Variants in FAM227B observed in about 807,000 individuals in gnomAD.
The protein encoded by FAM227B is family with sequence similarity 227 member B.
Under a neutral mutation model 73.8 loss-of-function variants are expected in FAM227B, and 88 were observed. That is an observed-to-expected ratio of 1.19 (90% CI 1.00 to 1.42). The LOEUF is 1.42. Ranked by LOEUF, FAM227B falls within the 40% of genes most tolerant of loss-of-function variation. The pLI is 0.00. For missense variants in FAM227B, 632 were observed against 590.9 expected (o/e 1.07, Z -0.72); for synonymous variants, 210 against 190.5 (o/e 1.10, Z -0.84).
chr15:49,387,942 A>C (rs942708049), intron 11 of FAM227B, among the ~76,000 whole-genome samples: 1 of 151,872 alleles, frequency 6.6e-6, no homozygotes, highest in Admixed American at 6.6e-5. Flanking sequence ...AAAGATCTCT[A>C]CAAGGAGGAC....
At chr15:49,429,007 TAAC>T (rs1336280331) in intron 11 of FAM227B, among the ~76,000 whole-genome samples, 2 of 151,796 alleles carry the variant, frequency 1.3e-5, no homozygotes, top group African/African-American at 2.4e-5. Context: ...GGCTCCTACT[TAAC>T]AATAATGTGT....
At chr15:49,521,054 G>T (rs1166679371) in intron 10 of FAM227B, among the ~76,000 whole-genome samples, 1 of 152,166 alleles carries the variant, frequency 6.6e-6, no homozygotes, top group Non-Finnish European at 1.5e-5. Flanking sequence ...TACAGCACAG[G>T]GCAGCCAGAT....
At chr15:49,408,849 G>A (rs1379530461) in intron 11 of FAM227B, among the ~76,000 whole-genome samples, 1 of 151,858 alleles carries the variant, frequency 6.6e-6, no homozygotes, top group African/African-American at 2.4e-5. Flanking sequence ...TCTGGGGGTG[G>A]AGGGGTGGGG....
At chr15:49,464,891 C>T (rs371018998) in intron 11 of FAM227B, among the ~76,000 whole-genome samples, 16 of 152,098 alleles carry the variant, frequency 1.1e-4, no homozygotes, top group East Asian at 3.9e-4. Flanking sequence ...AAATGAATAA[C>T]GTAAGACATA....
intron 11 of FAM227B, among the ~76,000 whole-genome samples, chr15:49,431,051 T>C (rs1304373185): frequency 2.6e-5 from 4 of 151,900 alleles, no homozygotes; most frequent in Non-Finnish European, 4.4e-5. Context: ...ATAACTTCTC[T>C]AACATCACTA....
intron 11 of FAM227B, among the ~76,000 whole-genome samples, chr15:49,477,390 G>C (rs2055442765): frequency 2.0e-5 from 3 of 152,096 alleles, no homozygotes; most frequent in Admixed American, 2.0e-4. Context: ...TGTCTCTAAA[G>C]TTTTGCCTTT....
intron 11 of FAM227B, chr15:49,396,380 A>G (rs1221040071): frequency 4.2e-6 from 1 of 239,610 alleles, no homozygotes; most frequent in Admixed American, 5.1e-5. Context: ...CTAGCACAGC[A>G]GTCTGAGATC....
At chr15:49,398,061 T>A (rs955741921) in intron 11 of FAM227B, among the ~76,000 whole-genome samples, 7 of 152,172 alleles carry the variant, frequency 4.6e-5, no homozygotes, top group Admixed American at 2.6e-4. Context: ...GCAAATTGGA[T>A]AAAGAGTCAA....
chr15:49,547,267 C>T (rs934660058), intron 9 of FAM227B, among the ~76,000 whole-genome samples: 1 of 151,970 alleles, frequency 6.6e-6, no homozygotes, highest in African/African-American at 2.4e-5. Flanking sequence ...CCTAGAAGAG[C>T]TCCTGAAGGA....
chr15:49,399,426 A>T (rs1189141651), intron 11 of FAM227B, among the ~76,000 whole-genome samples: 1 of 150,768 alleles, frequency 6.6e-6, no homozygotes, highest in East Asian at 1.9e-4. Flanking sequence ...AGGTACAAGG[A>T]GGAACTGGTA....
chr15:49,488,144 G>C (rs2056562314), intron 11 of FAM227B: 2 of 151,918 alleles, frequency 1.3e-5, no homozygotes, highest in Non-Finnish European at 2.9e-5. Flanking sequence ...TCATTTCTAT[G>C]ATCACCCTAA....
intron 3 of FAM227B, among the ~76,000 whole-genome samples, chr15:49,606,496 C>T (rs890327515): frequency 6.6e-6 from 1 of 152,182 alleles, no homozygotes; most frequent in Non-Finnish European, 1.5e-5. Context: ...CGTGGATATC[C>T]TTTTCATACT....
chr15:49,373,378 T>C (rs1241233217), intron 11 of FAM227B, among the ~76,000 whole-genome samples: 2 of 152,178 alleles, frequency 1.3e-5, no homozygotes, highest in Admixed American at 1.3e-4. Context: ...ATCAATAACA[T>C]TAAAATGCCT....
intron 5 of FAM227B, among the ~76,000 whole-genome samples, chr15:49,585,874 G>C (rs997207581): frequency 3.3e-5 from 5 of 151,758 alleles, no homozygotes; most frequent in African/African-American, 1.2e-4. Context: ...AAAGAAATCA[G>C]AGATGATACA....
At chr15:49,441,122 G>A (rs1415406235) in intron 11 of FAM227B, among the ~76,000 whole-genome samples, 1 of 151,682 alleles carries the variant, frequency 6.6e-6, no homozygotes, top group Non-Finnish European at 1.5e-5. Flanking sequence ...ATTTGATTGG[G>A]TAGAACACAG....
intron 11 of FAM227B, among the ~76,000 whole-genome samples, chr15:49,398,441 A>C (rs2151616743): frequency 7.8e-6 from 1 of 128,502 alleles, no homozygotes; most frequent in Non-Finnish European, 1.6e-5. Flanking sequence ...CAGATCAACG[A>C]GACAGAAAGT....
At chr15:49,581,248 A>G (rs1003921742) in intron 5 of FAM227B, among the ~76,000 whole-genome samples, 11 of 152,190 alleles carry the variant, frequency 7.2e-5, no homozygotes, top group African/African-American at 2.4e-4. Flanking sequence ...AAACCTACAA[A>G]GGGAACCTCT....
At chr15:49,393,937 T>A (rs1476277439) in intron 11 of FAM227B, among the ~76,000 whole-genome samples, 1 of 152,150 alleles carries the variant, frequency 6.6e-6, no homozygotes, top group East Asian at 1.9e-4. Flanking sequence ...GGAATGTGCA[T>A]GGGGAAGGAC....
intron 11 of FAM227B, chr15:49,484,398 G>C (rs2056227954): frequency 4.4e-6 from 7 of 1,594,216 alleles, no homozygotes; most frequent in Non-Finnish European, 5.1e-6. Context: ...ACACACAACG[G>C]AGGGGAAATG....
Sources: allele counts gnomAD v4.1 joint callset (sites outside exome capture counted in the v4.1 genomes callset), GRCh38; gene constraint gnomAD v4.1.1; transcripts MANE v1.5; gene names NCBI Gene and HGNC (gene_info 2026-07-23, HGNC 2026-07-21).